Variants in USP34 observed in about 807,000 individuals in gnomAD.
The protein encoded by USP34 is ubiquitin carboxyl-terminal hydrolase 34.
Under a neutral mutation model 460.3 loss-of-function variants are expected in USP34, and 70 were observed. The observed-to-expected ratio is 0.15, with a 90% CI of 0.13 to 0.19. The LOEUF is 0.19. Ranked by LOEUF, USP34 falls within the 10% of genes least tolerant of loss-of-function variation. USP34 has a pLI of 1.00. For missense variants in USP34, 3,985 were observed against 4,236.2 expected (o/e 0.94, Z 1.65); for synonymous variants, 1,647 against 1,405.3 (o/e 1.17, Z -3.85).
chr2:61,316,105 T>C (rs974040194), intron 23 of USP34, among the ~76,000 whole-genome samples: 2 of 148,688 alleles, frequency 1.3e-5, no homozygotes, highest in Admixed American at 6.7e-5. Flanking sequence ...ACTCGGGAGG[T>C]TGAAGCAAGA....
At chr2:61,347,816 TA>T in intron 15 of USP34, 53 bp downstream of exon 15, 9 of 1,583,544 alleles carry the variant, frequency 5.7e-6, no homozygotes, top group Non-Finnish European at 6.9e-6. Context: ...ATATAGGATA[TA>T]ATACTTCCCT....
chr2:61,307,501 T>A (rs996643609), intron 27 of USP34, among the ~76,000 whole-genome samples: 2 of 152,020 alleles, frequency 1.3e-5, no homozygotes, highest in Admixed American at 1.3e-4. Context: ...TAATAAGGAC[T>A]CAATCTCATG....
In USP34 at chr2:61,187,524, G is replaced by C; in HGVS notation, c.*578C>G. On this transcript the variant is annotated 3_prime_UTR_variant, in exon 80 of 80. Transcript: ENST00000398571. ...GAATAGCAATCAATCAATCAGTCATGTCAATAAAAATAAAACAATTATTTT... is the reference window on the plus strand; with the variant it reads ...GAATAGCAATCAATCAATCAGTCATCTCAATAAAAATAAAACAATTATTTT... The C allele has an allele frequency of 3.1e-6, 3 of 981,894 alleles. No homozygotes were observed. Among genetic ancestry groups the C allele is most frequent in the Non-Finnish European group, 3.6e-6 (3 of 826,418 alleles). 60.8% of individuals were successfully genotyped at this position (981,894 alleles called of 1,614,324 possible).
In USP34 at chr2:61,280,378, A is replaced by C. The variant is rs1037877102; in HGVS notation, c.5152-30T>G. ...TAAAAAAATTTTATACTTTGTGAAA[A>C]CATTTTAAAAATAAATAAAATTATA... On this transcript the variant is annotated intron_variant, in intron 38 of 79. Transcript: ENST00000398571. 1.4e-5 allele frequency: 16 copies of C among 1,117,322 alleles called. No individual in the cohort carries two copies. In the African/African-American group the frequency reaches 2.6e-4, roughly 18 times the overall value. 69.2% of individuals were successfully genotyped at this position (1,117,322 alleles called of 1,614,324 possible).
chr2:61,350,618 G>C lies in USP34; in HGVS notation c.1327C>G (p.His443Asp). Residue 443 changes from histidine to aspartate, a missense_variant, in exon 11 of 80, where the codon CAT becomes GAT. His to Asp is a moderately conservative substitution (Grantham distance 81). This residue lies in a region of USP34 where 716 missense variants were observed against 626.2 expected (regional missense o/e 1.14). Coordinates refer to ENST00000398571, the MANE Select transcript of USP34 (RefSeq NM_014709.4). ...AGAGCTGAGACCAGATTAAGTAGAT[G>C]TCTAAGTGGTACGGGATCCAAATTC... The part of the protein sequence containing the change: ...IKNLDPVPLR[H>D]LLNLVSALEP... The C allele has an allele frequency of 6.2e-7, 1 of 1,613,634 alleles. No individual in the cohort carries two copies. The highest frequency in any genetic ancestry group is 8.5e-7 in the Non-Finnish European group (1 of 1,179,730).
At chr2:61,456,023 T>G (rs1189629331) in intron 1 of USP34, among the ~76,000 whole-genome samples, 1 of 152,132 alleles carries the variant, frequency 6.6e-6, no homozygotes, top group Non-Finnish European at 1.5e-5. Context: ...GAACCTTCCT[T>G]AAGAGAAAAT....
chr2:61,245,769 A>G (rs962225133), intron 50 of USP34, among the ~76,000 whole-genome samples: 1 of 143,546 alleles, frequency 7.0e-6, no homozygotes, highest in Non-Finnish European at 1.6e-5. Context: ...TAACAATTGT[A>G]CATTTTCTTC....
intron 65 of USP34, 132 bp from the exon 66 acceptor site, chr2:61,221,738 T>C (rs1687593639): frequency 2.6e-6 from 2 of 754,820 alleles, no homozygotes; most frequent in East Asian, 3.2e-5. Context: ...CCAGTACTTC[T>C]GCATGTGAAC....
chr2:61,251,588 G>A (rs568204847), intron 48 of USP34, among the ~76,000 whole-genome samples: 2 of 152,326 alleles, frequency 1.3e-5, no homozygotes, highest in South Asian at 4.1e-4. Context: ...CACCTTGGAT[G>A]ATGAGTCAGC....
intron 10 of USP34, among the ~76,000 whole-genome samples, chr2:61,362,801 C>A (rs558406876): frequency 6.6e-6 from 1 of 152,138 alleles, no homozygotes; most frequent in Non-Finnish European, 1.5e-5. Flanking sequence ...TGTGAATTAG[C>A]TTGACTGTAG....
intron 19 of USP34, among the ~76,000 whole-genome samples, chr2:61,332,616 T>C (rs1691304650): frequency 6.6e-6 from 1 of 151,986 alleles, no homozygotes; most frequent in African/African-American, 2.4e-5. Flanking sequence ...TGACTGCCTT[T>C]ACTGCATTAG....
chr2:61,454,608 G>T (rs1398378188), intron 1 of USP34, among the ~76,000 whole-genome samples: 15 of 151,900 alleles, frequency 9.9e-5, no homozygotes, highest in Non-Finnish European at 1.3e-4. Context: ...ACAGTGAAGT[G>T]ACACAACCTC....
intron 2 of USP34, among the ~76,000 whole-genome samples, chr2:61,416,363 T>G (rs1016986504): frequency 1.3e-5 from 2 of 152,158 alleles, no homozygotes; most frequent in Non-Finnish European, 2.9e-5. Flanking sequence ...ATATAAAAGA[T>G]ACTACTTTTA....
At chr2:61,470,550 G>T in intron 1 of USP34, 100 bp downstream of exon 1, 4 of 770,366 alleles carry the variant, frequency 5.2e-6, no homozygotes, top group Non-Finnish European at 8.4e-6. Context: ...GCCCGGCCCG[G>T]CCGTCGCCTC....
In USP34 at chr2:61,348,744, C is replaced by G. The variant is rs764114887; in HGVS notation, c.1674+12G>C. On this transcript the variant is annotated intron_variant, in intron 14 of 79. Transcript: ENST00000398571. ...AAAATGCCTATAAAAGAAGAAAAAC[C>G]TATTTTCATACCTCTGTGTCTGAAA... 5 of 1,605,422 alleles carry G rather than the reference C, an allele frequency of 3.1e-6. No individual in the cohort carries two copies. In the African/African-American group the frequency reaches 6.7e-5, roughly 22 times the overall value.
chr2:61,335,679 G>A (rs1691394810), intron 18 of USP34, among the ~76,000 whole-genome samples: 1 of 152,202 alleles, frequency 6.6e-6, no homozygotes, highest in Non-Finnish European at 1.5e-5. Flanking sequence ...AGCCTGGGAG[G>A]CGGAGGTTAC....
At chr2:61,320,987 G>A (rs1261587430) in intron 21 of USP34, among the ~76,000 whole-genome samples, 1 of 151,904 alleles carries the variant, frequency 6.6e-6, no homozygotes, top group Non-Finnish European at 1.5e-5. Context: ...TCCATCCTGT[G>A]CGACAAGAGC....
At chr2:61,320,157 A>G (rs1690871924) in intron 21 of USP34, among the ~76,000 whole-genome samples, 1 of 152,234 alleles carries the variant, frequency 6.6e-6, no homozygotes, top group South Asian at 2.1e-4. Flanking sequence ...GATAGAGCTT[A>G]CAAATTTCTA....
chr2:61,280,253 G>T lies in USP34; in HGVS notation c.5247C>A (p.Asp1749Glu). 1 of 1,536,684 alleles carries T rather than the reference G, an allele frequency of 6.5e-7. No individual in the cohort carries two copies. Among genetic ancestry groups the T allele is most frequent in the Non-Finnish European group, 8.8e-7 (1 of 1,140,162 alleles). Residue 1749 changes from aspartate (D) to glutamate (E), a missense_variant, in exon 39 of 80, where the codon GAC becomes GAA. Asp to Glu is a conservative substitution (Grantham distance 45, BLOSUM62 2). Coordinates refer to ENST00000398571, the MANE Select transcript of USP34 (RefSeq NM_014709.4). ...AATTTTCTGAACATACCTGACTAGCGTCCTTTATATGTATGTTGTCAACTA... is the reference window on the plus strand; with the variant it reads ...AATTTTCTGAACATACCTGACTAGCTTCCTTTATATGTATGTTGTCAACTA... ...CKLVDNIHIK[D>E]ASQTTLLDLD...
Sources: allele counts gnomAD v4.1 joint callset (sites outside exome capture counted in the v4.1 genomes callset), GRCh38; gene constraint gnomAD v4.1.1; regional missense constraint gnomAD v4.1.1; transcripts MANE v1.5; gene names NCBI Gene and HGNC (gene_info 2026-07-23, HGNC 2026-07-21).